LHFPL3: variants seen among roughly 807,000 people sequenced by gnomAD.
LHFPL3 encodes the protein LHFPL tetraspan subfamily member 3.
Under a neutral mutation model 19.3 loss-of-function variants are expected in LHFPL3, and 5 were observed. That is an observed-to-expected ratio of 0.26 (90% CI 0.14 to 0.54). The LOEUF is 0.54. LHFPL3 is among the 20% of genes least tolerant of loss of function. The pLI, the probability that LHFPL3 is intolerant of heterozygous loss-of-function variation, is 0.94. For synonymous variants in LHFPL3, 133 were observed against 126.2 expected, an observed-to-expected ratio of 1.05 and a Z score of -0.36; for missense variants, 249 against 307.4, an observed-to-expected ratio of 0.81 and a Z score of 1.42.
chr7:104,488,233 C>T (rs1166990138), intron 1 of LHFPL3, among the ~76,000 whole-genome samples: 1 of 152,162 alleles, frequency 6.6e-6, no homozygotes, highest in Non-Finnish European at 1.5e-5. Flanking sequence ...CTTTTGGCAA[C>T]ACTTACAAAT....
At chr7:104,670,369 C>T (rs1792454380) in intron 1 of LHFPL3, among the ~76,000 whole-genome samples, 1 of 152,104 alleles carries the variant, frequency 6.6e-6, no homozygotes, top group African/African-American at 2.4e-5. Flanking sequence ...CGTGGTAATT[C>T]CCAATGTTTT....
At chr7:104,507,737 G>A (rs536225744) in intron 1 of LHFPL3, among the ~76,000 whole-genome samples, 194 of 133,542 alleles carry the variant, frequency 1.5e-3, no homozygotes, top group East Asian at 0.013. Flanking sequence ...TCCAGAATCT[G>A]CAATGAACTC....
chr7:104,806,079 T>C (rs1389463383), intron 2 of LHFPL3, among the ~76,000 whole-genome samples: 2 of 152,240 alleles, frequency 1.3e-5, no homozygotes, highest in African/African-American at 4.8e-5. Flanking sequence ...ATGCAGGAAC[T>C]ACGACAGTCT....
chr7:104,848,357 CTGTT>C (rs1415018951), intron 2 of LHFPL3, among the ~76,000 whole-genome samples: 1 of 152,130 alleles, frequency 6.6e-6, no homozygotes, highest in Admixed American at 6.5e-5. Context: ...AACGGTAGCA[CTGTT>C]TGTTTGAAGA....
intron 2 of LHFPL3, among the ~76,000 whole-genome samples, chr7:104,855,625 C>CT (rs1428556474): frequency 9.9e-6 from 1 of 101,136 alleles, no homozygotes; most frequent in Admixed American, 9.5e-5. Context: ...CCAGATTTTT[C>CT]TTTCTTTTTT....
intron 1 of LHFPL3, among the ~76,000 whole-genome samples, chr7:104,701,557 G>A (rs972967489): frequency 1.4e-4 from 21 of 152,164 alleles, no homozygotes; most frequent in African/African-American, 4.1e-4. Flanking sequence ...CTTTATGTTT[G>A]TTGTCTTCAC....
intron 1 of LHFPL3, among the ~76,000 whole-genome samples, chr7:104,504,502 T>C (rs1038145558): frequency 6.6e-6 from 1 of 152,342 alleles, no homozygotes; most frequent in South Asian, 2.1e-4. Context: ...AAAATATCAA[T>C]GTTATTTTGA....
chr7:104,558,175 G>A (rs549639044), intron 1 of LHFPL3, among the ~76,000 whole-genome samples: 6,533 of 150,210 alleles, frequency 0.043, 148 homozygotes, highest in African/African-American at 0.077. Context: ...ATGATTTATA[G>A]TCCTTTGGGT....
intron 1 of LHFPL3, among the ~76,000 whole-genome samples, chr7:104,349,272 T>C (rs73714805): frequency 0.056 from 8,563 of 152,250 alleles, 421 homozygotes; most frequent in African/African-American, 0.13. Flanking sequence ...CTAAGAGATA[T>C]TAATAATTGT....
intron 1 of LHFPL3, among the ~76,000 whole-genome samples, chr7:104,496,136 T>A (rs562426007): frequency 6.6e-6 from 1 of 151,968 alleles, no homozygotes; most frequent in Non-Finnish European, 1.5e-5. Context: ...CACCCCACAA[T>A]AGTCCCCAGT....
At chr7:104,811,391 A>T (rs551615643) in intron 2 of LHFPL3, among the ~76,000 whole-genome samples, 106 of 152,034 alleles carry the variant, frequency 7.0e-4, no homozygotes, top group African/African-American at 2.4e-3. Context: ...TGTAGAGATG[A>T]GGTCTCACCA....
chr7:104,361,676 C>T (rs576551230), intron 1 of LHFPL3, among the ~76,000 whole-genome samples: 3 of 152,208 alleles, frequency 2.0e-5, no homozygotes, highest in South Asian at 2.1e-4. Flanking sequence ...CTTGAGGAAA[C>T]GATCTTCATT....
chr7:104,642,336 T>C (rs1791853667), intron 1 of LHFPL3, among the ~76,000 whole-genome samples: 2 of 152,172 alleles, frequency 1.3e-5, no homozygotes, highest in Admixed American at 1.3e-4. Context: ...CCCTAGGTTA[T>C]GACTCTTAAA....
At chr7:104,494,009 G>C (rs1007879555) in intron 1 of LHFPL3, among the ~76,000 whole-genome samples, 2 of 152,060 alleles carry the variant, frequency 1.3e-5, no homozygotes, top group African/African-American at 4.8e-5. Flanking sequence ...ATGCTGACAT[G>C]ATAATATATT....
At chr7:104,419,993 A>C (rs1791694863) in intron 1 of LHFPL3, among the ~76,000 whole-genome samples, 1 of 152,172 alleles carries the variant, frequency 6.6e-6, no homozygotes, top group African/African-American at 2.4e-5. Flanking sequence ...CAACAACAAA[A>C]AACAGTGGAG....
At chr7:104,565,417 A>G (rs1790099591) in intron 1 of LHFPL3, among the ~76,000 whole-genome samples, 1 of 152,246 alleles carries the variant, frequency 6.6e-6, no homozygotes, top group Non-Finnish European at 1.5e-5. Context: ...TGTATTTAAG[A>G]ATCAGGACTA....
chr7:104,555,092 C>T lies in LHFPL3; in HGVS notation c.446-181583C>T, dbSNP rs561636241. ...CTTGCCTACTCAGTCCACCAACTCA[C>T]CTGCCATTCTCCTCTAGAAACACCC... On this transcript the variant is annotated intron_variant, in intron 1 of 2. Transcript: ENST00000424859. Among the ~76,000 whole-genome samples the T allele has an allele frequency of 7.9e-5, 12 of 152,326 alleles. No individual in the cohort carries two copies. In the South Asian group the frequency reaches 1.4e-3, roughly 18 times the overall value.
chr7:104,559,630 GGACAATTT>G (rs1302668542), intron 1 of LHFPL3, among the ~76,000 whole-genome samples: 1 of 152,092 alleles, frequency 6.6e-6, no homozygotes, highest in Non-Finnish European at 1.5e-5. Context: ...CTGCAAACAG[GGACAATTT>G]GACTTCCTAT....
At chr7:104,538,151 C>G (rs1455121211) in intron 1 of LHFPL3, among the ~76,000 whole-genome samples, 1 of 152,208 alleles carries the variant, frequency 6.6e-6, no homozygotes, top group African/African-American at 2.4e-5. Context: ...ATCCATGAAT[C>G]ACCACTGCAT....
Sources: allele counts gnomAD v4.1 joint callset (sites outside exome capture counted in the v4.1 genomes callset), GRCh38; gene constraint gnomAD v4.1.1; transcripts MANE v1.5; gene names NCBI Gene and HGNC (gene_info 2026-07-23, HGNC 2026-07-21).